The following PLBD1 variants were observed in gnomAD, a reference collection of about 807,000 sequenced individuals.
The protein encoded by PLBD1 is phospholipase B domain containing 1, also known as lysosomal leucine aminopeptidase.
A neutral mutation model predicts 63.0 loss-of-function variants in PLBD1; 60 were observed. That is an observed-to-expected ratio of 0.95 (90% CI 0.77 to 1.18). The LOEUF is 1.18. Ranked by LOEUF, PLBD1 falls within the 50% of genes most tolerant of loss-of-function variation. PLBD1 has a pLI of 0.00. For missense variants in PLBD1, 598 were observed against 677.9 expected (o/e 0.88, Z 1.31); for synonymous variants, 262 against 248.0 (o/e 1.06, Z -0.53).
chr12:14,551,254 T>A (rs1945657199), intron 2 of PLBD1, among the ~76,000 whole-genome samples: 1 of 151,740 alleles, frequency 6.6e-6, no homozygotes, highest in African/African-American at 2.4e-5. Context: ...TCCCAGCTAC[T>A]AGGGAGGCTG....
chr12:14,506,131 GAATTA>G (rs1945253176), intron 10 of PLBD1, 26 bp downstream of exon 10: 1 of 1,480,350 alleles, frequency 6.8e-7, no homozygotes, highest in Non-Finnish European at 9.4e-7. Context: ...GTGCTGGTGG[GAATTA>G]AATTCAAAAG....
At chr12:14,547,474 A>G (rs1219147789) in intron 2 of PLBD1, among the ~76,000 whole-genome samples, 1 of 152,092 alleles carries the variant, frequency 6.6e-6, no homozygotes, top group Non-Finnish European at 1.5e-5. Flanking sequence ...GCTTGACTCC[A>G]CTACTTCTAA....
chr12:14,541,787 A>G (rs552180688), intron 3 of PLBD1, among the ~76,000 whole-genome samples: 13 of 152,230 alleles, frequency 8.5e-5, no homozygotes, highest in Non-Finnish European at 1.6e-4. Flanking sequence ...AGAGGGTGTT[A>G]AGAGTTATAA....
chr12:14,542,053 C>T (rs1945576658), intron 3 of PLBD1, among the ~76,000 whole-genome samples, 155 bp downstream of exon 3: 2 of 152,122 alleles, frequency 1.3e-5, no homozygotes, highest in Non-Finnish European at 2.9e-5. Flanking sequence ...ACTTTTCATG[C>T]CATTAGCAAA....
At chr12:14,510,423 A>C (rs970474348) in intron 8 of PLBD1, among the ~76,000 whole-genome samples, 1 of 152,176 alleles carries the variant, frequency 6.6e-6, no homozygotes, top group Admixed American at 6.5e-5. Flanking sequence ...ATTAAAAACC[A>C]CTAAAAGTTT....
chr12:14,525,554 CAACAAACTTAAAATACAAT>C (rs1252197655), intron 6 of PLBD1, among the ~76,000 whole-genome samples: 1 of 151,966 alleles, frequency 6.6e-6, no homozygotes, highest in African/African-American at 2.4e-5. Flanking sequence ...CCTACCAGCA[CAACAAACTTAAAATACAAT>C]AATCACAAAG....
chr12:14,506,880 A>T, intron 9 of PLBD1, 53 bp downstream of exon 9: 1 of 1,519,216 alleles, frequency 6.6e-7, no homozygotes, highest in Non-Finnish European at 9.1e-7. Flanking sequence ...TTCTGTATCC[A>T]TAGGGAAGAA....
intron 2 of PLBD1, among the ~76,000 whole-genome samples, chr12:14,546,473 C>T (rs1386719258): frequency 6.6e-6 from 1 of 152,154 alleles, no homozygotes; most frequent in Non-Finnish European, 1.5e-5. Context: ...TCACTGCACC[C>T]TGCCTAGCTC....
chr12:14,555,839 C>T (rs1489794177), intron 1 of PLBD1, among the ~76,000 whole-genome samples: 1 of 152,192 alleles, frequency 6.6e-6, no homozygotes, highest in Non-Finnish European at 1.5e-5. Flanking sequence ...AAACTCAATG[C>T]TTGTAAGCAC....
chr12:14,539,296 ACATTAGCAGTGCCTTGGAAGTCTC>A (rs1945546537), intron 4 of PLBD1, among the ~76,000 whole-genome samples: 1 of 152,094 alleles, frequency 6.6e-6, no homozygotes, highest in African/African-American at 2.4e-5. Flanking sequence ...ACGAAATGGA[ACATTAGCAGTGCCTTGGAAGTCTC>A]CAATCTCATC....
Position 14,567,854 on chromosome 12 carries a change from G to T in PLBD1, c.-158C>A. ...CTTTCTTGAGCCCGGCCTGCTCCGG[G>T]CTCTGAGGGGCGAGGACGCTTCACG... On this transcript the variant is annotated 5_prime_UTR_variant, in exon 1 of 11. Coordinates refer to ENST00000240617, the MANE Select transcript of PLBD1 (RefSeq NM_024829.6). 1 of 1,045,324 alleles carries T rather than the reference G, an allele frequency of 9.6e-7. No homozygotes were observed. The highest frequency in any genetic ancestry group is 1.3e-6 in the Non-Finnish European group (1 of 787,810). 64.8% of individuals were successfully genotyped at this position (1,045,324 alleles called of 1,614,324 possible).
intron 3 of PLBD1, among the ~76,000 whole-genome samples, chr12:14,541,872 G>A (rs1490289274): frequency 2.0e-5 from 3 of 152,300 alleles, no homozygotes; most frequent in Non-Finnish European, 4.4e-5. Context: ...AAAGAGCGAG[G>A]AGAGGGGATC....
intron 1 of PLBD1, among the ~76,000 whole-genome samples, chr12:14,554,957 A>T (rs1945689626): frequency 6.6e-6 from 1 of 151,916 alleles, no homozygotes; most frequent in South Asian, 2.1e-4. Context: ...TCTCTCAGTG[A>T]TCTCCCAGCC....
At chr12:14,521,768 C>CA (rs1220689387) in intron 6 of PLBD1, among the ~76,000 whole-genome samples, 1 of 151,594 alleles carries the variant, frequency 6.6e-6, no homozygotes, top group Non-Finnish European at 1.5e-5. Context: ...ATGATACCAC[C>CA]AAAAAAACAC....
At chr12:14,548,740 A>T (rs1945635290) in intron 2 of PLBD1, among the ~76,000 whole-genome samples, 1 of 152,352 alleles carries the variant, frequency 6.6e-6, no homozygotes, top group South Asian at 2.1e-4. Context: ...GAATGTAGTC[A>T]GGAACCAACT....
At chr12:14,551,850 G>A (rs1282402552) in intron 2 of PLBD1, among the ~76,000 whole-genome samples, 1 of 152,112 alleles carries the variant, frequency 6.6e-6, no homozygotes, top group African/African-American at 2.4e-5. Context: ...AACAGAAGTG[G>A]ATAAAGATTT....
rs759797229 is a variant in PLBD1, at chr12:14,542,289, T to C, written c.338A>G (p.His113Arg). Residue 113 changes from histidine to arginine, a missense_variant and splice_region_variant, in exon 3 of 11, where the codon CAC becomes CGC. By Grantham distance (29) the His-to-Arg change is conservative (BLOSUM62 0). Transcript: ENST00000240617. ...GAGGTTTGTGTAGTGGTCATTCATGTGTCTGAAATGATACATGAAAATTAT... is the reference window on the plus strand; with the variant it reads ...GAGGTTTGTGTAGTGGTCATTCATGCGTCTGAAATGATACATGAAAATTAT... ...GFLEGYLTAPHMNDHYTNLYP... is the reference protein window; with the variant it reads ...GFLEGYLTAPRMNDHYTNLYP... 5.6e-6 allele frequency: 9 copies of C among 1,593,794 alleles called. No homozygotes were observed. The East Asian group carries it at 1.3e-4, about 24-fold the overall frequency.
intron 6 of PLBD1, among the ~76,000 whole-genome samples, chr12:14,528,281 A>G (rs1945432169): frequency 6.6e-6 from 1 of 152,192 alleles, no homozygotes; most frequent in African/African-American, 2.4e-5. Context: ...TAGAATTTAC[A>G]TTATTTTCTA....
rs768632036 is a variant in PLBD1, at chr12:14,506,243, T to C, written c.1398A>G (p.Arg466=). ...AGCAGATGGTATTACAGGGGTCACCTCTACTGTAAGGATCCTTCTTATAAT... is the reference window on the plus strand; with the variant it reads ...AGCAGATGGTATTACAGGGGTCACCCCTACTGTAAGGATCCTTCTTATAAT... ...YNNYKKDPYS[R]GDPCNTICCR... The change falls in exon 10 of 11, where the codon AGA becomes AGG. Residue 466 remains arginine, a synonymous_variant. Coordinates refer to ENST00000240617, the MANE Select transcript of PLBD1 (RefSeq NM_024829.6). 1 of 1,611,672 alleles carries C rather than the reference T, an allele frequency of 6.2e-7. No homozygotes were observed. Among genetic ancestry groups the C allele is most frequent in the Non-Finnish European group, 8.5e-7 (1 of 1,178,222 alleles).
Sources: allele counts gnomAD v4.1 joint callset (sites outside exome capture counted in the v4.1 genomes callset), GRCh38; gene constraint gnomAD v4.1.1; transcripts MANE v1.5; gene names NCBI Gene and HGNC (gene_info 2026-07-23, HGNC 2026-07-21).